TMEM39B: variants seen among roughly 807,000 people sequenced by gnomAD.
The protein encoded by TMEM39B is transmembrane protein 39B.
Under a neutral mutation model 52.2 loss-of-function variants are expected in TMEM39B, and 23 were observed. That is an observed-to-expected ratio of 0.44 (90% CI 0.32 to 0.62). The LOEUF is 0.62. Among genes scored for constraint, TMEM39B ranks in the 20% least tolerant of loss-of-function variants. TMEM39B has a pLI of 0.06. For synonymous variants in TMEM39B, 285 were observed against 264.0 expected (o/e 1.08, Z -0.77); for missense variants, 547 against 642.0 (o/e 0.85, Z 1.60).
rs181242512 is a variant in TMEM39B, at chr1:32,091,950, T to A, written c.866T>A (p.Val289Glu). ...GACTTCAACTGGCGCATGAAGGAAG[T>A]GCTCGTCAGCTCCATGCTGAGCGCC... is the stretch of plus-strand genomic sequence containing the variant. ...KMDFNWRMKE[V>E]LVSSMLSAYY... The change falls in exon 6 of 9, where the codon GTG becomes GAG. Residue 289 changes from valine (V) to glutamate (E), a missense_variant. By Grantham distance (121) the Val-to-Glu change is moderately radical (BLOSUM62 -2). Coordinates refer to ENST00000336294, the MANE Select transcript of TMEM39B (RefSeq NM_018056.4). The A allele has an allele frequency of 2.5e-6, 4 of 1,614,090 alleles. No individual in the cohort carries two copies. Among genetic ancestry groups the A allele is most frequent in the Non-Finnish European group, 3.4e-6 (4 of 1,180,048 alleles).
chr1:32,082,918 G>A (rs1225012312), intron 5 of TMEM39B, among the ~76,000 whole-genome samples: 4 of 151,692 alleles, frequency 2.6e-5, no homozygotes, highest in Non-Finnish European at 5.9e-5. Flanking sequence ...GGGACTACAG[G>A]CACCCGCCAC....
rs115090380 is a variant in TMEM39B at position 32,101,233 on chromosome 1, G to C, written c.1236+671G>C. Among the ~76,000 whole-genome samples the C allele has an allele frequency of 5.5e-3, 832 of 152,154 alleles. 10 individuals are homozygous for C. Among genetic ancestry groups the C allele is most frequent in the African/African-American group, 0.019 (801 of 41,498 alleles). On this transcript the variant is annotated intron_variant, in intron 8 of 8. Coordinates refer to ENST00000336294, the MANE Select transcript of TMEM39B (RefSeq NM_018056.4). ...CTCAGCCTTACCCTGAACCTTGTAC[G>C]TGAAAGATATGCTAGGGTTATCTCT...
rs761318245 is a variant in TMEM39B, at chr1:32,075,005, C to T, written c.59C>T (p.Pro20Leu). 9.2e-5 allele frequency: 142 copies of T among 1,551,426 alleles called. No individual in the cohort carries two copies. Among genetic ancestry groups the T allele is most frequent in the East Asian group, 2.4e-5 (1 of 40,924 alleles). Residue 20 changes from proline to leucine, a missense_variant, in exon 2 of 9, where the codon CCG becomes CTG. Transcript: ENST00000336294. ...TACTGTCGAAATCCGCTCTGTGAGC[C>T]GGGATCCTCGGGGGGCTCTAGTGGA... is the stretch of plus-strand genomic sequence containing the variant. ...TSYCRNPLCEPGSSGGSSGSH... is the reference protein window; with the variant it reads ...TSYCRNPLCELGSSGGSSGSH...
intron 6 of TMEM39B, among the ~76,000 whole-genome samples, chr1:32,092,435 A>G (rs945051279): frequency 2.0e-5 from 3 of 151,892 alleles, no homozygotes; most frequent in African/African-American, 7.3e-5. Flanking sequence ...TGGGATTACA[A>G]GCGTGAGCCA....
intron 2 of TMEM39B, 137 bp from the exon 3 acceptor site, chr1:32,075,466 T>C: frequency 1.1e-6 from 1 of 887,448 alleles, no homozygotes; most frequent in South Asian, 1.8e-5. Context: ...TTCCTTTGTC[T>C]GACAAGCAGG....
intron 7 of TMEM39B, 105 bp downstream of exon 7, chr1:32,095,076 G>A: frequency 1.5e-6 from 2 of 1,338,352 alleles, no homozygotes; most frequent in Middle Eastern, 2.5e-4. Context: ...AATAGTTATT[G>A]AGCGTGTCTT....
rs1440258377 is a variant in TMEM39B, at chr1:32,072,970, C to A, written c.-78C>A. The A allele has an allele frequency of 1.3e-6, 2 of 1,521,294 alleles. No individual in the cohort carries two copies. Among genetic ancestry groups the A allele is most frequent in the Non-Finnish European group, 1.8e-6 (2 of 1,131,582 alleles). 94.2% of individuals were successfully genotyped at this position (1,521,294 alleles called of 1,614,324 possible). ...CGGGACTGGGCTGCGGCGGTTAGTC[C>A]TCTCCCGGCCGCCGTCGCCTCCGAC... On this transcript the variant is annotated 5_prime_UTR_variant, in exon 1 of 9. Transcript: ENST00000336294.
intron 5 of TMEM39B, among the ~76,000 whole-genome samples, chr1:32,091,425 T>C (rs1640596635): frequency 6.6e-6 from 1 of 152,222 alleles, no homozygotes; most frequent in Non-Finnish European, 1.5e-5. Context: ...TGTCTCTTGC[T>C]TCCTACTGTA....
At chr1:32,100,670 C>A in intron 8 of TMEM39B, 108 bp downstream of exon 8, 2 of 1,472,750 alleles carry the variant, frequency 1.4e-6, no homozygotes, top group South Asian at 1.2e-5. Flanking sequence ...AGTATTTCCC[C>A]AATCCAAAGG....
intron 5 of TMEM39B, among the ~76,000 whole-genome samples, chr1:32,083,986 G>C (rs867401239): frequency 6.6e-6 from 1 of 151,416 alleles, no homozygotes; most frequent in African/African-American, 2.4e-5. Context: ...CCCTGTTTCA[G>C]ACACACAGAC....
Position 32,102,576 on chromosome 1 carries a change from A to G in TMEM39B, c.1382A>G (p.Tyr461Cys). Residue 461 changes from tyrosine (Y) to cysteine (C), a missense_variant, in exon 9 of 9, where the codon TAT becomes TGT. Physicochemically the swap from Tyr to Cys is radical, Grantham distance 194 (BLOSUM62 -2). Transcript: ENST00000336294. ...GCCCTCATCCTCTTCAGCAACTACT[A>G]TGCCTTCTTCAAGCTGCTCCGGGAC... ...SLALILFSNY[Y>C]AFFKLLRDRL... 6.2e-7 allele frequency: 1 copy of G among 1,613,978 alleles called. No individual in the cohort carries two copies. Among genetic ancestry groups the G allele is most frequent in the Non-Finnish European group, 8.5e-7 (1 of 1,179,976 alleles).
intron 7 of TMEM39B, among the ~76,000 whole-genome samples, chr1:32,099,032 C>T (rs1158460703): frequency 3.9e-5 from 6 of 152,194 alleles, no homozygotes; most frequent in Admixed American, 6.5e-5. Flanking sequence ...AGGCAGATCA[C>T]GTGAGGTCAG....
At chr1:32,082,176 C>T (rs1640125553) in intron 5 of TMEM39B, among the ~76,000 whole-genome samples, 1 of 151,986 alleles carries the variant, frequency 6.6e-6, no homozygotes, top group South Asian at 2.1e-4. Flanking sequence ...GGCACCCTAT[C>T]CAACCACTTT....
chr1:32,093,360 A>G (rs1421764419), intron 6 of TMEM39B, among the ~76,000 whole-genome samples: 1 of 147,956 alleles, frequency 6.8e-6, no homozygotes, highest in Non-Finnish European at 1.5e-5. Flanking sequence ...CGGCCTCCCA[A>G]AGTGCAGGAA....
At position 32,081,934 on chromosome 1, in the gene TMEM39B, G is replaced by C. The variant is rs72666732; in HGVS notation, c.590+4616G>C. The stretch of plus-strand genomic sequence containing the variant: ...TTTCTTGTATATCCTGGAAACAAAT[G>C]TTCTACGCATATACAAACATACCAC... On this transcript the variant is annotated intron_variant, in intron 5 of 8. Coordinates refer to ENST00000336294, the MANE Select transcript of TMEM39B (RefSeq NM_018056.4). Among the ~76,000 whole-genome samples, 658 of 152,202 alleles carry C rather than the reference G, an allele frequency of 4.3e-3. 4 individuals carry two copies. The highest frequency in any genetic ancestry group is 0.01 in the Middle Eastern group (3 of 294).
rs200183784 is a variant in TMEM39B, at chr1:32,102,631, C to A, written c.1437C>A (p.Tyr479Ter). The change falls in exon 9 of 9, where the codon TAC becomes TAA. Residue 479 changes from tyrosine to a stop codon, truncating the protein, a stop_gained. Coordinates refer to ENST00000336294, the MANE Select transcript of TMEM39B (RefSeq NM_018056.4). LOFTEE classifies it high-confidence loss of function. ...TGGTATTGGGCAAGGCCTACTCATA[C>A]TCTGCTAGCCCCCAGAGAGACCTGG... Reference protein sequence around the residue: ...DRLVLGKAYSYSASPQRDLDH... With the variant: ...DRLVLGKAYS 3 of 1,609,322 alleles carry A rather than the reference C, an allele frequency of 1.9e-6. No homozygotes were observed. The highest frequency in any genetic ancestry group is 2.5e-6 in the Non-Finnish European group (3 of 1,177,170).
chr1:32,074,548 A>G (rs539305055), intron 1 of TMEM39B, among the ~76,000 whole-genome samples: 61 of 152,350 alleles, frequency 4.0e-4, no homozygotes, highest in Admixed American at 2.6e-3. Context: ...CAATAAGCAT[A>G]TTAACAAATG....
chr1:32,078,625 A>G (rs374365441), intron 5 of TMEM39B, among the ~76,000 whole-genome samples: 2 of 152,340 alleles, frequency 1.3e-5, no homozygotes, highest in African/African-American at 4.8e-5. Context: ...TTTTCTGTGC[A>G]AGTACACACA....
chr1:32,094,988 T>A lies in TMEM39B; in HGVS notation c.1115+17T>A, dbSNP rs779647901. On this transcript the variant is annotated intron_variant, in intron 7 of 8. Coordinates refer to ENST00000336294, the MANE Select transcript of TMEM39B (RefSeq NM_018056.4). ...GCAGCACCCGTGAGTCACCCTACCCTGCTCAACCCAATCCCAGCCCTTCTG... is the reference window on the plus strand; with the variant it reads ...GCAGCACCCGTGAGTCACCCTACCCAGCTCAACCCAATCCCAGCCCTTCTG... The A allele has an allele frequency of 6.2e-7, 1 of 1,610,348 alleles. No homozygotes were observed. The highest frequency in any genetic ancestry group is 1.7e-5 in the Admixed American group (1 of 59,962).
Sources: allele counts gnomAD v4.1 joint callset (sites outside exome capture counted in the v4.1 genomes callset), GRCh38; gene constraint gnomAD v4.1.1; transcripts MANE v1.5; gene names NCBI Gene and HGNC (gene_info 2026-07-23, HGNC 2026-07-21).